The following DNAJC13 variants were observed in gnomAD, a reference collection of about 807,000 sequenced individuals.
The protein encoded by DNAJC13 is DnaJ heat shock protein family (Hsp40) member C13.
Under a neutral mutation model 290.5 loss-of-function variants are expected in DNAJC13, and 75 were observed. The ratio of observed to expected loss-of-function variants is 0.26; its 90% CI spans 0.21 to 0.31. The LOEUF (loss-of-function observed/expected upper bound fraction) is 0.31. Among genes scored for constraint, DNAJC13 ranks in the 10% least tolerant of loss-of-function variants. The probability of loss-of-function intolerance (pLI) is 1.00; values close to 1 mark genes in which losing one functional copy is unlikely to be tolerated. For missense variants in DNAJC13, 2,260 were observed against 2,674.5 expected (o/e 0.85, Z 3.42); for synonymous variants, 862 against 892.0 (o/e 0.97, Z 0.60).
intron 8 of DNAJC13, 86 bp from the exon 9 acceptor site, chr3:132,453,980 T>G: frequency 9.6e-7 from 1 of 1,045,504 alleles, no homozygotes; most frequent in South Asian, 1.5e-5. Flanking sequence ...TACTGACTTT[T>G]GTAAGCTAAG....
intron 49 of DNAJC13, 37 bp downstream of exon 49, chr3:132,523,034 A>G (rs774450961): frequency 1.7e-5 from 27 of 1,602,272 alleles, no homozygotes; most frequent in South Asian, 6.7e-5. Context: ...ATAGCCTTTA[A>G]ATAAAATCAC....
rs769593393 is a variant in DNAJC13, at chr3:132,522,812, A to T, written c.5674-16A>T. 6.3e-7 allele frequency: 1 copy of T among 1,577,490 alleles called. No homozygotes were observed. Among genetic ancestry groups the T allele is most frequent in the Admixed American group, 2.0e-5 (1 of 50,000 alleles). On this transcript the variant is annotated splice_polypyrimidine_tract_variant and intron_variant, in intron 48 of 55. Transcript: ENST00000260818. ...TCCAATAGGTGTCTTTTTCATTCTC[A>T]AACTTCCTCGTATAGGTTCGAATTA...
At chr3:132,460,680 T>C (rs1311801041) in intron 14 of DNAJC13, among the ~76,000 whole-genome samples, 2 of 152,214 alleles carry the variant, frequency 1.3e-5, no homozygotes. Flanking sequence ...CAGTCCCTGA[T>C]AACAATTTTG....
At chr3:132,485,189 G>A (rs1934816461) in intron 29 of DNAJC13, among the ~76,000 whole-genome samples, 1 of 152,096 alleles carries the variant, frequency 6.6e-6, no homozygotes, top group Admixed American at 6.5e-5. Flanking sequence ...CCAGGCTGAA[G>A]TGCAGTGGCA....
chr3:132,498,390 A>C (rs1935300566), intron 36 of DNAJC13, among the ~76,000 whole-genome samples: 1 of 152,088 alleles, frequency 6.6e-6, no homozygotes, highest in Admixed American at 6.6e-5. Flanking sequence ...TTTCTTTATA[A>C]AGATGTGCAT....
At chr3:132,497,842 T>C (rs1379863943) in intron 36 of DNAJC13, among the ~76,000 whole-genome samples, 1 of 152,142 alleles carries the variant, frequency 6.6e-6, no homozygotes, top group East Asian at 1.9e-4. Context: ...TTCTTTCTTA[T>C]TACGTATGTG....
intron 1 of DNAJC13, among the ~76,000 whole-genome samples, chr3:132,426,809 T>A (rs527960159): frequency 6.6e-6 from 1 of 152,120 alleles, no homozygotes; most frequent in South Asian, 2.1e-4. Flanking sequence ...TTCTTGAAAG[T>A]TTCTCAAGCC....
At chr3:132,463,937 T>A in intron 17 of DNAJC13, 120 bp downstream of exon 17, 1 of 1,175,016 alleles carries the variant, frequency 8.5e-7, no homozygotes. Flanking sequence ...TTGATCCACC[T>A]AGTTCTTTTC....
intron 1 of DNAJC13, among the ~76,000 whole-genome samples, chr3:132,427,862 A>G (rs1412629779): frequency 1.3e-5 from 2 of 152,228 alleles, no homozygotes; most frequent in African/African-American, 2.4e-5. Flanking sequence ...CCTATTTTAT[A>G]GACGTACTAT....
intron 55 of DNAJC13, 106 bp downstream of exon 55, chr3:132,531,203 T>C: frequency 2.1e-6 from 2 of 930,820 alleles, no homozygotes. Flanking sequence ...TTTCTTAGGC[T>C]ACCAGCTGAC....
chr3:132,516,513 T>C lies in DNAJC13; in HGVS notation c.5560+17T>C. ...TGGCAAAGGGTAATGTATAGAGTGCTTTCTTAGCTAGTCATGTGCAATATA... is the reference window on the plus strand; with the variant it reads ...TGGCAAAGGGTAATGTATAGAGTGCCTTCTTAGCTAGTCATGTGCAATATA... On this transcript the variant is annotated intron_variant, in intron 47 of 55. Transcript: ENST00000260818. The C allele has an allele frequency of 6.2e-7, 1 of 1,611,740 alleles. No individual in the cohort carries two copies. Among genetic ancestry groups the C allele is most frequent in the Non-Finnish European group, 8.5e-7 (1 of 1,178,114 alleles).
rs990882449 is a variant in DNAJC13, at chr3:132,417,565, G to C, written c.-209G>C. On this transcript the variant is annotated 5_prime_UTR_variant, in exon 1 of 56. Transcript: ENST00000260818. ...CTCCAGAGTGAAACTCTGAGAGGCA[G>C]AGGGAGGAGGCGGAGGGGGCGGGGA... 1.3e-5 allele frequency: 2 copies of C among 151,958 alleles called. No homozygotes were observed. The highest frequency in any genetic ancestry group is 2.9e-5 in the Non-Finnish European group (2 of 68,108). The allele number at this position is 151,958 out of a possible 1,614,324, so 9.4% of individuals were successfully genotyped here.
intron 28 of DNAJC13, 52 bp from the exon 29 acceptor site, chr3:132,484,536 A>G: frequency 1.3e-6 from 2 of 1,551,896 alleles, no homozygotes; most frequent in Non-Finnish European, 1.8e-6. Flanking sequence ...TGCTCTGAAC[A>G]TACAAATTTT....
chr3:132,496,258 G>T (rs1371045378), intron 35 of DNAJC13, among the ~76,000 whole-genome samples: 2 of 152,050 alleles, frequency 1.3e-5, no homozygotes, highest in African/African-American at 2.4e-5. Context: ...TCTCTAGTAT[G>T]TATGAGTTTA....
At chr3:132,482,379 C>T (rs1934707505) in intron 27 of DNAJC13, 49 bp downstream of exon 27, 6 of 1,450,718 alleles carry the variant, frequency 4.1e-6, no homozygotes, top group Non-Finnish European at 5.8e-6. Flanking sequence ...ATTTCTTATG[C>T]CCTCCTGCTT....
chr3:132,528,153 T>C (rs781006071), intron 53 of DNAJC13, 36 bp from the exon 54 acceptor site: 2 of 1,605,040 alleles, frequency 1.2e-6, no homozygotes, highest in Non-Finnish European at 1.7e-6. Flanking sequence ...TTTGCATTTT[T>C]TCTGTGTGTT....
At chr3:132,466,871 A>G (rs1934009996) in intron 19 of DNAJC13, among the ~76,000 whole-genome samples, 1 of 152,142 alleles carries the variant, frequency 6.6e-6, no homozygotes, top group Admixed American at 6.5e-5. Context: ...CATCTTTATG[A>G]TACACTACTA....
chr3:132,492,340 C>A, intron 32 of DNAJC13, 74 bp from the exon 33 acceptor site: 1 of 1,421,592 alleles, frequency 7.0e-7, no homozygotes, highest in Non-Finnish European at 9.8e-7. Flanking sequence ...AACTATCTTA[C>A]ATGATTATGT....
At chr3:132,485,719 G>A (rs1377323556) in intron 29 of DNAJC13, among the ~76,000 whole-genome samples, 11 of 152,158 alleles carry the variant, frequency 7.2e-5, no homozygotes, top group Non-Finnish European at 1.5e-5. Context: ...CGTAGATTTT[G>A]ACTATTCTTA....
Sources: gnomAD v4.1 joint callset for allele counts (sites outside exome capture counted in the v4.1 genomes callset) on GRCh38, gnomAD v4.1.1 for gene constraint, MANE v1.5 for transcripts, NCBI Gene and HGNC (gene_info 2026-07-23, HGNC 2026-07-21) for gene names.